The following SH3GLB1 variants were observed in gnomAD, a reference collection of about 807,000 sequenced individuals.
SH3GLB1 encodes endophilin-B1.
Under a neutral mutation model 42.0 loss-of-function variants are expected in SH3GLB1, and 17 were observed. The ratio of observed to expected loss-of-function variants is 0.40; its 90% confidence interval spans 0.28 to 0.61. SH3GLB1 has a LOEUF of 0.61. Ranked by LOEUF, SH3GLB1 falls within the 20% of genes least tolerant of loss-of-function variation. The pLI, the probability that SH3GLB1 is intolerant of heterozygous loss-of-function variation, is 0.36. For missense variants in SH3GLB1, 355 were observed against 426.3 expected, an observed-to-expected ratio of 0.83 and a Z score of 1.47; for synonymous variants, 132 against 146.6, an observed-to-expected ratio of 0.90 and a Z score of 0.72.
In SH3GLB1 at chr1:86,715,803, G is replaced by A. The variant is rs749429791; in HGVS notation, c.152G>A (p.Cys51Tyr). 1 of 1,612,298 alleles carries A rather than the reference G, an allele frequency of 6.2e-7. No homozygotes were observed. The highest frequency in any genetic ancestry group is 8.5e-7 in the Non-Finnish European group (1 of 1,179,584). The change falls in exon 2 of 9, where the codon TGT (cysteine) becomes TAT (tyrosine). Residue 51 changes from cysteine to tyrosine, a missense_variant. Transcript: ENST00000370558. The stretch of plus-strand genomic sequence containing the variant: ...GAGAACCTCCTTAGCAAAGCTGAAT[G>A]TACCAAAATATGGACAGAAAAAATA... ...HLENLLSKAE[C>Y]TKIWTEKIMK...
intron 5 of SH3GLB1, among the ~76,000 whole-genome samples, chr1:86,726,955 A>T (rs1655230943): frequency 6.6e-6 from 1 of 151,846 alleles, no homozygotes. Flanking sequence ...TCACGTCTTT[A>T]TAAATTTCCA....
chr1:86,707,209 A>G (rs897919529), intron 1 of SH3GLB1, among the ~76,000 whole-genome samples: 1 of 152,238 alleles, frequency 6.6e-6, no homozygotes, highest in African/African-American at 2.4e-5. Context: ...AGTATCGTGT[A>G]TAGATAGGAT....
chr1:86,704,832 C>T lies in SH3GLB1; in HGVS notation c.-68C>T. On this transcript the variant is annotated 5_prime_UTR_variant, in exon 1 of 9. Transcript: ENST00000370558. ...CCCTCGCCGCTCTAGCCCTGCGCCC[C>T]AGCCCGGCCGCGGCACCTCCGCCTC... 2.7e-6 allele frequency: 3 copies of T among 1,130,832 alleles called. No homozygotes were observed. The South Asian group carries it at 4.3e-5, about 16-fold the overall frequency. The allele number at this position is 1,130,832 out of a possible 1,614,324, so 70.0% of individuals were successfully genotyped here. A position where few individuals can be genotyped will look rare whatever the true frequency, so the allele number is the denominator to read the frequency against.
chr1:86,715,093 A>G (rs1558299107), intron 1 of SH3GLB1, among the ~76,000 whole-genome samples: 1 of 152,172 alleles, frequency 6.6e-6, no homozygotes, highest in Non-Finnish European at 1.5e-5. Flanking sequence ...GACAGGTTTT[A>G]TGGTATGTTC....
rs1656147191 is a variant in SH3GLB1 at position 86,743,229 on chromosome 1, C to T, written c.1092C>T (p.Leu364=). ...TGCCAATTACCTACTTAGAACTGCT[C>T]AATTAAGTAGGTGGACTATGGAAAG... ...GKVPITYLEL[L]N is the part of the protein sequence containing the mutation. Residue 364 remains leucine (L), a synonymous_variant, in exon 9 of 9, where the codon CTC becomes CTT. Coordinates refer to ENST00000370558, the MANE Select transcript of SH3GLB1 (RefSeq NM_016009.5). The T allele has an allele frequency of 6.3e-7, 1 of 1,594,532 alleles. No individual in the cohort carries two copies. The highest frequency in any genetic ancestry group is 2.3e-5 in the East Asian group (1 of 44,378).
At chr1:86,705,412 T>C (rs1405051468) in intron 1 of SH3GLB1, among the ~76,000 whole-genome samples, 2 of 152,140 alleles carry the variant, frequency 1.3e-5, no homozygotes, top group Non-Finnish European at 2.9e-5. Flanking sequence ...GAAGGGAGTT[T>C]CCTTTTCCTG....
rs1051315525 is a variant in SH3GLB1 at position 86,707,210 on chromosome 1, T to C, written c.72+2239T>C. On this transcript the variant is annotated intron_variant, in intron 1 of 8. Transcript: ENST00000370558. The stretch of plus-strand genomic sequence containing the variant: ...TATTTTCTAACATTAGTATCGTGTA[T>C]AGATAGGATGGTCAGGGCAAGTCTT... 2.6e-5 allele frequency among the ~76,000 whole-genome samples: 4 copies of C among 152,212 alleles called. No homozygotes were observed. The South Asian group carries it at 6.2e-4, about 24-fold the overall frequency.
intron 7 of SH3GLB1, among the ~76,000 whole-genome samples, chr1:86,736,761 C>G (rs1418401577): frequency 6.6e-6 from 1 of 152,208 alleles, no homozygotes; most frequent in Non-Finnish European, 1.5e-5. Flanking sequence ...AAAAGAAAGT[C>G]TAGCTTGTCT....
intron 5 of SH3GLB1, among the ~76,000 whole-genome samples, chr1:86,724,892 A>AAAATATATATATATAT (rs1291454820): frequency 2.0e-5 from 2 of 99,698 alleles, no homozygotes; most frequent in Non-Finnish European, 3.7e-5. Context: ...AAAAAAAAAA[A>AAAATATATATATATAT]ATATATATAT....
intron 5 of SH3GLB1, among the ~76,000 whole-genome samples, chr1:86,732,309 C>T (rs1287015695): frequency 6.6e-6 from 1 of 152,166 alleles, no homozygotes; most frequent in Admixed American, 6.5e-5. Context: ...CTATGTTATG[C>T]TATCATGTAG....
chr1:86,740,622 G>A (rs760863321), intron 7 of SH3GLB1, among the ~76,000 whole-genome samples: 1 of 152,180 alleles, frequency 6.6e-6, no homozygotes, highest in Non-Finnish European at 1.5e-5. Context: ...CAAAGAATGG[G>A]ATAGTAGAAA....
intron 2 of SH3GLB1, among the ~76,000 whole-genome samples, chr1:86,717,326 A>G (rs567863792): frequency 1.0e-3 from 154 of 152,304 alleles, no homozygotes; most frequent in African/African-American, 3.6e-3. Context: ...GTAAACAGGG[A>G]AATAAAATAC....
chr1:86,722,199 G>T (rs973313311), intron 3 of SH3GLB1, among the ~76,000 whole-genome samples: 1 of 150,226 alleles, frequency 6.7e-6, no homozygotes, highest in Non-Finnish European at 1.5e-5. Context: ...TTTGATCGTG[G>T]TTGGTTGAAT....
chr1:86,734,668 C>T lies in SH3GLB1; in HGVS notation c.637C>T (p.Leu213=). The T allele has an allele frequency of 1.9e-6, 3 of 1,612,910 alleles. No individual in the cohort carries two copies. The highest frequency in any genetic ancestry group is 2.5e-6 in the Non-Finnish European group (3 of 1,179,122). Residue 213 remains leucine, a synonymous_variant, in exon 6 of 9, where the codon CTA becomes TTA. Transcript: ENST00000370558. The stretch of plus-strand genomic sequence containing the variant: ...TCAAGCAGAGATTACCAGACTTCTG[C>T]TAGAGGGAATCAGCAGTACACATGT... ...DRQAEITRLL[L]EGISSTHAHH...
At chr1:86,730,482 A>T (rs1384566178) in intron 5 of SH3GLB1, 1 of 655,200 alleles carries the variant, frequency 1.5e-6, no homozygotes, top group Non-Finnish European at 1.9e-6. Flanking sequence ...AGAATGGGAT[A>T]TATAATATTT....
chr1:86,712,425 C>A (rs927217885), intron 1 of SH3GLB1, among the ~76,000 whole-genome samples: 5 of 152,170 alleles, frequency 3.3e-5, no homozygotes, highest in African/African-American at 1.2e-4. Flanking sequence ...GACTATGACT[C>A]AAACAGATGT....
At chr1:86,734,746 G>A in intron 6 of SH3GLB1, 55 bp downstream of exon 6, 1 of 1,350,548 alleles carries the variant, frequency 7.4e-7, no homozygotes, top group Non-Finnish European at 1.0e-6. Context: ...TAGTCCTAAG[G>A]CAATTTTGGG....
Position 86,746,450 on chromosome 1 carries a change from A to G in SH3GLB1, c.*3215A>G, listed in dbSNP as rs1197006547. 6.6e-6 allele frequency: 1 copy of G among 152,284 alleles called. No homozygotes were observed. The highest frequency in any genetic ancestry group is 1.5e-5 in the Non-Finnish European group (1 of 68,096). The allele number at this position is 152,284 out of a possible 1,614,324, so 9.4% of individuals were successfully genotyped here. A position where few individuals can be genotyped will look rare whatever the true frequency, so the allele number is the denominator to read the frequency against. On this transcript the variant is annotated 3_prime_UTR_variant, in exon 9 of 9. Transcript: ENST00000370558. Reference sequence around the variant, plus strand: ...GAGAGATAGCTTCATAGTTTAGCCTATAGCCAACTTTGCCTCAAGACCTCC... The same window carrying G: ...GAGAGATAGCTTCATAGTTTAGCCTGTAGCCAACTTTGCCTCAAGACCTCC...
chr1:86,739,674 A>G (rs1214544450), intron 7 of SH3GLB1, among the ~76,000 whole-genome samples: 1 of 152,070 alleles, frequency 6.6e-6, no homozygotes, highest in Non-Finnish European at 1.5e-5. Flanking sequence ...GTTTTTTAAG[A>G]TAGGAGAAAT....
Sources: gnomAD v4.1 joint callset for allele counts (sites outside exome capture counted in the v4.1 genomes callset) on GRCh38, gnomAD v4.1.1 for gene constraint, MANE v1.5 for transcripts, NCBI Gene and HGNC (gene_info 2026-07-23, HGNC 2026-07-21) for gene names.